Variants in COPA observed in about 807,000 individuals in gnomAD.
COPA encodes coat protein complex I subunit alpha, also known as coatomer subunit alpha.
In COPA, 10 loss-of-function variants were observed where a neutral mutation model predicts 158.7. The observed-to-expected ratio is 0.06, with a 90% CI of 0.04 to 0.11. COPA has a LOEUF of 0.11. Among genes scored for constraint, COPA ranks in the 10% least tolerant of loss-of-function variants. The pLI, the probability that COPA is intolerant of heterozygous loss-of-function variation, is 1.00. For missense variants in COPA, 1,065 were observed against 1,536.7 expected (o/e 0.69, Z 5.13); for synonymous variants, 462 against 542.8 (o/e 0.85, Z 2.07).
intron 6 of COPA, among the ~76,000 whole-genome samples, chr1:160,330,051 G>A (rs775689853): frequency 5.3e-5 from 8 of 152,110 alleles, no homozygotes; most frequent in Non-Finnish European, 1.0e-4. Flanking sequence ...GGAGGTGGAG[G>A]TTGTAGTGAG....
intron 1 of COPA, among the ~76,000 whole-genome samples, chr1:160,342,802 C>G (rs1221006877): frequency 1.3e-5 from 2 of 152,070 alleles, no homozygotes; most frequent in African/African-American, 4.8e-5. Flanking sequence ...CATCAAAAAG[C>G]CAACAGATCA....
intron 6 of COPA, among the ~76,000 whole-genome samples, chr1:160,330,250 C>A (rs1275082033): frequency 2.6e-5 from 4 of 152,024 alleles, no homozygotes; most frequent in Non-Finnish European, 5.9e-5. Flanking sequence ...CCATGGAAAG[C>A]CATAGCAAGG....
chr1:160,333,113 G>A (rs1036184803), intron 5 of COPA, among the ~76,000 whole-genome samples: 3 of 152,152 alleles, frequency 2.0e-5, no homozygotes, highest in Non-Finnish European at 4.4e-5. Flanking sequence ...TAGTAGAGAC[G>A]GGGTTTCACC....
chr1:160,333,431 G>A, intron 5 of COPA, 172 bp downstream of exon 5: 1 of 498,836 alleles, frequency 2.0e-6, no homozygotes, highest in South Asian at 3.6e-5. Context: ...TCATATATGG[G>A]ATTGCCTCTA....
At chr1:160,295,707 A>G (rs796140908) in intron 23 of COPA, 29 bp downstream of exon 23, 10 of 1,571,454 alleles carry the variant, frequency 6.4e-6, no homozygotes, top group African/African-American at 1.4e-5. Flanking sequence ...ACAAACAACA[A>G]AAGTGCTATG....
chr1:160,335,121 T>C, intron 4 of COPA, 121 bp downstream of exon 4: 2 of 778,782 alleles, frequency 2.6e-6, no homozygotes, highest in East Asian at 2.9e-5. Flanking sequence ...ACCACACAGA[T>C]TGTAGAAGAG....
Position 160,335,313 on chromosome 1 carries a change from A to G in COPA, c.238T>C (p.Tyr80His), listed in dbSNP as rs1440253183. Residue 80 changes from tyrosine (Y) to histidine (H), a missense_variant, in exon 4 of 33, where the codon TAC (tyrosine) becomes CAC (histidine). Around this residue, in one of 2 missense-constraint regions of COPA, gnomAD observed 85 missense variants for 178.9 expected, o/e 0.48. Coordinates refer to ENST00000241704, the MANE Select transcript of COPA (RefSeq NM_004371.4). The stretch of plus-strand genomic sequence containing the variant: ...GTGAAAAGACAGCGCCGAAGCTTGT[A>G]ATTCCAAACCTGCAAAGACAAATCA... ...GDDYKIKVWN[Y>H]KLRRCLFTLL... 1 of 1,611,126 alleles carries G rather than the reference A, an allele frequency of 6.2e-7. No individual in the cohort carries two copies. The highest frequency in any genetic ancestry group is 8.5e-7 in the Non-Finnish European group (1 of 1,178,648).
At chr1:160,310,092 T>C (rs2101842065) in intron 12 of COPA, 100 bp downstream of exon 12, 1 of 660,540 alleles carries the variant, frequency 1.5e-6, no homozygotes, top group East Asian at 3.0e-5. Context: ...AAAATGACCA[T>C]TAAATAGTTT....
At chr1:160,304,805 T>C (rs1276022270) in intron 17 of COPA, among the ~76,000 whole-genome samples, 1 of 152,184 alleles carries the variant, frequency 6.6e-6, no homozygotes, top group African/African-American at 2.4e-5. Context: ...TTTAAGAGCA[T>C]TGTTCATACA....
chr1:160,312,960 GCT>G, intron 10 of COPA, 123 bp downstream of exon 10: 1 of 778,552 alleles, frequency 1.3e-6, no homozygotes, highest in South Asian at 1.9e-5. Context: ...CAACTAAGTG[GCT>G]CTGAGAGTCC....
At chr1:160,316,394 T>A (rs1196118178) in intron 8 of COPA, among the ~76,000 whole-genome samples, 1 of 149,094 alleles carries the variant, frequency 6.7e-6, no homozygotes, top group Non-Finnish European at 1.5e-5. Context: ...ATAAAAAGAA[T>A]GAAAAGGAAC....
At chr1:160,303,446 C>T (rs1348063422) in intron 17 of COPA, among the ~76,000 whole-genome samples, 1 of 152,120 alleles carries the variant, frequency 6.6e-6, no homozygotes, top group Non-Finnish European at 1.5e-5. Flanking sequence ...AAAGAACGGT[C>T]TTTTCAATAA....
At chr1:160,342,427 A>T (rs1458531784) in intron 1 of COPA, among the ~76,000 whole-genome samples, 2 of 152,090 alleles carry the variant, frequency 1.3e-5, no homozygotes, top group Non-Finnish European at 1.5e-5. Context: ...CCAACGACCC[A>T]CACTCGAGCT....
intron 17 of COPA, among the ~76,000 whole-genome samples, chr1:160,302,772 T>C (rs1332309632): frequency 6.6e-6 from 1 of 151,672 alleles, no homozygotes; most frequent in African/African-American, 2.4e-5. Context: ...GCCAGGATGG[T>C]CTCGATCTCC....
chr1:160,296,817 C>T (rs767816809), intron 21 of COPA, among the ~76,000 whole-genome samples: 8 of 152,136 alleles, frequency 5.3e-5, no homozygotes, highest in Non-Finnish European at 1.2e-4. Flanking sequence ...ATCTAGTTAC[C>T]GCAATAAATC....
chr1:160,290,477 G>A lies in COPA; in HGVS notation c.3615+15C>T, dbSNP rs201060517. 2 of 1,610,488 alleles carry A rather than the reference G, an allele frequency of 1.2e-6. No individual in the cohort carries two copies. Among genetic ancestry groups the A allele is most frequent in the East Asian group, 2.2e-5 (1 of 44,832 alleles). On this transcript the variant is annotated intron_variant, in intron 32 of 32. Coordinates refer to ENST00000241704, the MANE Select transcript of COPA (RefSeq NM_004371.4). ...GCTCAATATCCTAGATATATTTATT[G>A]AGGACAGTACTTACTGTGGTGACCC...
chr1:160,332,545 C>A lies in COPA; in HGVS notation c.399G>T (p.Gly133=), dbSNP rs142221638. ...GAGCACACATCACATAATGGTTGTG[C>A]CCTGTTAACACACTGCAAGAAAAAA... ...QSRTCVCVLT[G]HNHYVMCAQF... is the part of the protein sequence containing the mutation. Residue 133 remains glycine (G), a synonymous_variant, in exon 6 of 33, where the codon GGG becomes GGT. Transcript: ENST00000241704. 2.6e-4 allele frequency: 418 copies of A among 1,607,582 alleles called. 6 individuals carry two copies. In the South Asian group the frequency reaches 4.4e-3, roughly 17 times the overall value.
intron 9 of COPA, among the ~76,000 whole-genome samples, chr1:160,313,661 G>A (rs940451643): frequency 1.3e-5 from 2 of 152,010 alleles, no homozygotes; most frequent in Non-Finnish European, 2.9e-5. Flanking sequence ...TGATCCACCC[G>A]CCTCAGCCTC....
chr1:160,291,723 C>T, intron 30 of COPA, 96 bp downstream of exon 30: 7 of 1,319,278 alleles, frequency 5.3e-6, no homozygotes, highest in Non-Finnish European at 2.1e-6. Context: ...TCTCTTCATC[C>T]CCACTCAGAT....
Sources: allele counts gnomAD v4.1 joint callset (sites outside exome capture counted in the v4.1 genomes callset), GRCh38; gene constraint gnomAD v4.1.1; regional missense constraint gnomAD v4.1.1; transcripts MANE v1.5; gene names NCBI Gene and HGNC (gene_info 2026-07-23, HGNC 2026-07-21).